Variants in OSBP2 observed in about 807,000 individuals in gnomAD.
OSBP2 encodes the protein oxysterol binding protein 2.
In OSBP2, 66 loss-of-function variants were observed where a neutral mutation model predicts 96.0. That is an observed-to-expected ratio of 0.69 (90% CI 0.56 to 0.84). OSBP2 has a LOEUF of 0.84. OSBP2 is among the 40% of genes least tolerant of loss of function. OSBP2 has a pLI of 0.00. For synonymous variants in OSBP2, 525 were observed against 520.9 expected (o/e 1.01, Z -0.11); for missense variants, 1,038 against 1,222.7 (o/e 0.85, Z 2.25).
chr22:30,770,878 G>T (rs1408858815), intron 2 of OSBP2, among the ~76,000 whole-genome samples: 1 of 152,206 alleles, frequency 6.6e-6, no homozygotes, highest in Non-Finnish European at 1.5e-5. Context: ...TAGGTAAGAG[G>T]CTCTGGCACA....
In OSBP2 at chr22:30,695,080, G is replaced by C; in HGVS notation, c.171G>C (p.Val57=). 1 of 1,580,090 alleles carries C rather than the reference G, an allele frequency of 6.3e-7. No homozygotes were observed. The highest frequency in any genetic ancestry group is 8.6e-7 in the Non-Finnish European group (1 of 1,163,166). Residue 57 remains valine (V), a synonymous_variant, in exon 1 of 14, where the codon GTG becomes GTC. Coordinates refer to ENST00000332585, the MANE Select transcript of OSBP2 (RefSeq NM_030758.4). ...GPEPKPQPQP[V]PEPERGPLSE... is the part of the protein sequence containing the mutation. ...AGCCCAAGCCCCAGCCCCAGCCCGT[G>C]CCCGAACCGGAGCGGGGACCGCTGT...
At chr22:30,708,478 A>ATT (rs56361178) in intron 1 of OSBP2, among the ~76,000 whole-genome samples, 12,684 of 63,234 alleles carry the variant, frequency 0.2, 3,839 homozygotes, top group East Asian at 0.26. Flanking sequence ...AAGGATAAGG[A>ATT]TTTTTTTTTT....
chr22:30,707,393 G>A (rs889702694), intron 1 of OSBP2, among the ~76,000 whole-genome samples: 6 of 151,988 alleles, frequency 3.9e-5, no homozygotes, highest in Non-Finnish European at 5.9e-5. Flanking sequence ...CACCGTGCCC[G>A]GCCTTAAGTG....
intron 1 of OSBP2, among the ~76,000 whole-genome samples, chr22:30,733,057 TC>T: frequency 6.6e-6 from 1 of 152,286 alleles, no homozygotes; most frequent in South Asian, 2.1e-4. Context: ...AAAAAGCACT[TC>T]CGTTTCATGA....
intron 2 of OSBP2, among the ~76,000 whole-genome samples, chr22:30,845,258 C>T (rs1285872406): frequency 6.6e-6 from 1 of 152,076 alleles, no homozygotes; most frequent in African/African-American, 2.4e-5. Flanking sequence ...TGGTGAAACC[C>T]GTCTCTACCA....
chr22:30,800,641 G>A (rs755669874), intron 2 of OSBP2, among the ~76,000 whole-genome samples: 17 of 152,230 alleles, frequency 1.1e-4, no homozygotes, highest in African/African-American at 3.1e-4. Flanking sequence ...CAAGGTCAAA[G>A]AGTAGGGCCG....
intron 2 of OSBP2, among the ~76,000 whole-genome samples, chr22:30,743,701 G>A (rs1378849302): frequency 1.3e-5 from 2 of 152,138 alleles, no homozygotes; most frequent in Admixed American, 1.3e-4. Context: ...ATAAATAAAT[G>A]ATAAATTGCC....
At chr22:30,700,884 G>A (rs2089148320) in intron 1 of OSBP2, among the ~76,000 whole-genome samples, 2 of 151,596 alleles carry the variant, frequency 1.3e-5, no homozygotes, top group South Asian at 4.2e-4. Context: ...TCAGGAGTTC[G>A]AGACCAGCTT....
In OSBP2 at chr22:30,870,372, G is replaced by T; in HGVS notation, c.854-57G>T. 2.5e-6 allele frequency: 4 copies of T among 1,584,514 alleles called. No homozygotes were observed. Among genetic ancestry groups the T allele is most frequent in the Non-Finnish European group, 3.4e-6 (4 of 1,161,902 alleles). On this transcript the variant is annotated intron_variant, in intron 2 of 13. Transcript: ENST00000332585. This position sits in a 1 kb window ranked among gnomAD's most constrained non-coding sequence, Gnocchi z 4.1. The stretch of plus-strand genomic sequence containing the variant: ...TGCCCTGCTCGGCCTGGCTGTGCAG[G>T]CCTCTTGGTACCACGTCTGTTCGTA...
intron 3 of OSBP2, among the ~76,000 whole-genome samples, 196 bp from the exon 4 acceptor site, chr22:30,887,230 A>G (rs1486270255): frequency 2.0e-5 from 3 of 152,160 alleles, no homozygotes; most frequent in Non-Finnish European, 1.5e-5. Flanking sequence ...TTTATCAGCA[A>G]GGTCTTTATG....
chr22:30,746,164 A>G (rs2089996643), intron 2 of OSBP2, among the ~76,000 whole-genome samples: 2 of 152,136 alleles, frequency 1.3e-5, no homozygotes, highest in African/African-American at 4.8e-5. Context: ...CACGTCTGTA[A>G]TTCCAGCACT....
At chr22:30,810,962 T>C (rs1602297762) in intron 2 of OSBP2, among the ~76,000 whole-genome samples, 2 of 152,340 alleles carry the variant, frequency 1.3e-5, no homozygotes, top group South Asian at 4.1e-4. Flanking sequence ...CAATTGTAAT[T>C]TGTTGAGACA....
intron 2 of OSBP2, among the ~76,000 whole-genome samples, chr22:30,818,390 C>T (rs2146971350): frequency 6.6e-6 from 1 of 152,164 alleles, no homozygotes; most frequent in Non-Finnish European, 1.5e-5. Flanking sequence ...AATTCACCTG[C>T]TGTTATTGAG....
Position 30,888,338 on chromosome 22 carries a change from C to T in OSBP2, c.1416C>T (p.Asp472=). ...CCGTGATCACCGAGGCCAAGGAAGA[C>T]AGGTAAGGTGGCTGCAGCTGGGCAG... ...FITVITEAKE[D]SRKAEGSTGT... Residue 472 remains aspartate (D), a splice_region_variant and synonymous_variant, in exon 5 of 14, where the codon GAC becomes GAT. Coordinates refer to ENST00000332585, the MANE Select transcript of OSBP2 (RefSeq NM_030758.4). 1 of 1,599,980 alleles carries T rather than the reference C, an allele frequency of 6.3e-7. No homozygotes were observed. The highest frequency in any genetic ancestry group is 1.1e-5 in the South Asian group (1 of 90,784).
intron 12 of OSBP2, chr22:30,894,378 C>G (rs1470286457): frequency 4.7e-6 from 1 of 210,978 alleles, no homozygotes; most frequent in Non-Finnish European, 9.6e-6. Flanking sequence ...ATTGAGAACC[C>G]TGTGGAATGG....
At chr22:30,874,617 G>A (rs1484309855) in intron 3 of OSBP2, among the ~76,000 whole-genome samples, 1 of 152,146 alleles carries the variant, frequency 6.6e-6, no homozygotes, top group African/African-American at 2.4e-5. Context: ...GTCCTCGCAG[G>A]GCGCTGCAGC....
At chr22:30,765,632 C>A (rs561024429) in intron 2 of OSBP2, among the ~76,000 whole-genome samples, 1 of 152,220 alleles carries the variant, frequency 6.6e-6, no homozygotes, top group Non-Finnish European at 1.5e-5. Flanking sequence ...TATCTCTCTT[C>A]CCCCATCTCC....
chr22:30,902,225 A>C (rs1407452634), intron 12 of OSBP2: 4 of 1,482,452 alleles, frequency 2.7e-6, no homozygotes, highest in Non-Finnish European at 3.7e-6. Flanking sequence ...AGCCCCACAC[A>C]CAGCATATGT....
chr22:30,774,167 T>C (rs1440952817), intron 2 of OSBP2, among the ~76,000 whole-genome samples: 1 of 152,174 alleles, frequency 6.6e-6, no homozygotes, highest in East Asian at 1.9e-4. Context: ...CTTCCTTGGC[T>C]ACGTAGCTGT....
Sources: gnomAD v4.1 joint callset for allele counts (sites outside exome capture counted in the v4.1 genomes callset) on GRCh38, gnomAD v4.1.1 for gene constraint, Gnocchi (gnomAD v3.1) non-coding constraint, MANE v1.5 for transcripts, NCBI Gene and HGNC (gene_info 2026-07-23, HGNC 2026-07-21) for gene names.